The following NRXN3 variants were observed in gnomAD, a reference collection of about 807,000 sequenced individuals.
NRXN3 encodes neurexin 3, also known as neurexin III.
In NRXN3, 32 loss-of-function variants were observed where a neutral mutation model predicts 137.6. The ratio of observed to expected loss-of-function variants is 0.23; its 90% confidence interval spans 0.18 to 0.31. NRXN3 has a LOEUF of 0.31. Ranked by LOEUF, NRXN3 falls within the 10% of genes least tolerant of loss-of-function variation. The pLI, the probability that NRXN3 is intolerant of heterozygous loss-of-function variation, is 1.00. For missense variants in NRXN3, 1,574 were observed against 2,062.5 expected (o/e 0.76, Z 4.59); for synonymous variants, 798 against 784.5 (o/e 1.02, Z -0.29).
chr14:78,707,817 T>C (rs1303652164), intron 6 of NRXN3, among the ~76,000 whole-genome samples: 4 of 152,356 alleles, frequency 2.6e-5, no homozygotes, highest in African/African-American at 9.6e-5. Context: ...CGGTTTTCCA[T>C]TCCTGAGTTA....
At chr14:79,718,668 G>GAAC (rs895311558) in intron 19 of NRXN3, among the ~76,000 whole-genome samples, 29 of 138,232 alleles carry the variant, frequency 2.1e-4, no homozygotes, top group African/African-American at 7.2e-4. Context: ...TCCTGTCTCT[G>GAAC]AACTGCTAAA....
chr14:79,208,272 G>C (rs1359805804), intron 15 of NRXN3, among the ~76,000 whole-genome samples: 1 of 152,152 alleles, frequency 6.6e-6, no homozygotes, highest in Non-Finnish European at 1.5e-5. Context: ...CTTAATCCAG[G>C]ACAGTTCCTG....
chr14:78,367,422 A>G (rs1421609195), intron 4 of NRXN3, among the ~76,000 whole-genome samples: 1 of 152,196 alleles, frequency 6.6e-6, no homozygotes, highest in Non-Finnish European at 1.5e-5. Context: ...CTTTTGAGGA[A>G]TGAAGCAGCC....
At chr14:78,483,429 C>T (rs1438592299) in intron 4 of NRXN3, among the ~76,000 whole-genome samples, 1 of 152,192 alleles carries the variant, frequency 6.6e-6, no homozygotes, top group East Asian at 1.9e-4. Context: ...AAAGGAGAGG[C>T]TAGAGCTTTC....
chr14:79,564,576 G>A (rs1036532585), intron 16 of NRXN3, among the ~76,000 whole-genome samples: 14 of 152,046 alleles, frequency 9.2e-5, no homozygotes, highest in East Asian at 3.9e-4. Flanking sequence ...ATGGTTAAGC[G>A]GCTTGTACTC....
chr14:78,376,931 T>C (rs1427131888), intron 4 of NRXN3, among the ~76,000 whole-genome samples: 12 of 152,186 alleles, frequency 7.9e-5, no homozygotes, highest in African/African-American at 2.7e-4. Flanking sequence ...AAAAGATATA[T>C]ACTTTGTATG....
At chr14:78,393,116 G>A (rs950845841) in intron 4 of NRXN3, among the ~76,000 whole-genome samples, 7 of 151,882 alleles carry the variant, frequency 4.6e-5, no homozygotes, top group African/African-American at 9.7e-5. Context: ...TATTGTAAAC[G>A]GGGGCAAGGG....
At chr14:78,399,127 C>T (rs372075399) in intron 4 of NRXN3, among the ~76,000 whole-genome samples, 2 of 151,990 alleles carry the variant, frequency 1.3e-5, no homozygotes, top group African/African-American at 2.4e-5. Context: ...CTGAGATATG[C>T]GATACAAAAC....
At chr14:78,305,081 T>G (rs1367193800) in intron 4 of NRXN3, among the ~76,000 whole-genome samples, 4 of 152,180 alleles carry the variant, frequency 2.6e-5, no homozygotes, top group African/African-American at 9.6e-5. Context: ...GGAGGTAGTT[T>G]GATTAATTTT....
At chr14:79,238,150 G>T (rs1365504264) in intron 15 of NRXN3, among the ~76,000 whole-genome samples, 1 of 152,000 alleles carries the variant, frequency 6.6e-6, no homozygotes, top group Non-Finnish European at 1.5e-5. Flanking sequence ...ACTTACAAGC[G>T]GGTGTGCTTA....
In NRXN3 at chr14:79,632,982, G is replaced by A. The variant is rs556188493; in HGVS notation, c.3445-30796G>A. Among the ~76,000 whole-genome samples the A allele has an allele frequency of 2.8e-4, 42 of 152,234 alleles. 1 individual carries two copies. The highest frequency in any genetic ancestry group is 9.6e-4 in the African/African-American group (40 of 41,516). On this transcript the variant is annotated intron_variant, in intron 16 of 20. Transcript: ENST00000335750. ...TTAATATATAAAACAATTATATGCA[G>A]CAGATGTTATTACCATGATACTGCA...
At chr14:78,895,044 A>G (rs2099169513) in intron 10 of NRXN3, among the ~76,000 whole-genome samples, 1 of 151,798 alleles carries the variant, frequency 6.6e-6, no homozygotes, top group East Asian at 1.9e-4. Context: ...CTGGGGCCCT[A>G]GGATTTTTTG....
chr14:78,805,235 C>T (rs1307277473), intron 9 of NRXN3, among the ~76,000 whole-genome samples: 1 of 151,552 alleles, frequency 6.6e-6, no homozygotes. Flanking sequence ...CATTTGATTT[C>T]TGTTGTCAGT....
Position 78,860,988 on chromosome 14 carries a change from A to G in NRXN3, c.2275+50644A>G, listed in dbSNP as rs535043326. Among the ~76,000 whole-genome samples, 197 of 152,282 alleles carry G rather than the reference A, an allele frequency of 1.3e-3. 1 individual carries two copies. The highest frequency in any genetic ancestry group is 2.3e-3 in the Non-Finnish European group (155 of 68,026). On this transcript the variant is annotated intron_variant, in intron 10 of 20. Coordinates refer to ENST00000335750, the MANE Select transcript of NRXN3 (RefSeq NM_001330195.2). ...GGGTCGACTGTACCTTGATAATAAC[A>G]TCACTGCCATTACCGTATTCTGAGT... is the stretch of plus-strand genomic sequence containing the variant.
chr14:78,858,015 A>G lies in NRXN3; in HGVS notation c.2275+47671A>G, dbSNP rs77942682. Reference sequence around the variant, plus strand: ...TAGGGCTTCTACAGATAGGAAGTAGAATGCTGTGAAAAGAAGGTACACTTA... The same window carrying G: ...TAGGGCTTCTACAGATAGGAAGTAGGATGCTGTGAAAAGAAGGTACACTTA... On this transcript the variant is annotated intron_variant, in intron 10 of 20. Transcript: ENST00000335750. Among the ~76,000 whole-genome samples, 990 of 152,282 alleles carry G rather than the reference A, an allele frequency of 6.5e-3. 13 individuals are homozygous for G. The highest frequency in any genetic ancestry group is 0.022 in the African/African-American group (928 of 41,542).
chr14:78,878,766 CATT>C (rs1031229093), intron 10 of NRXN3, among the ~76,000 whole-genome samples: 5 of 152,064 alleles, frequency 3.3e-5, no homozygotes, highest in African/African-American at 9.7e-5. Context: ...TAACTGTAGT[CATT>C]ATATTGTACA....
chr14:78,355,566 G>T (rs548898159), intron 4 of NRXN3, among the ~76,000 whole-genome samples: 2 of 152,184 alleles, frequency 1.3e-5, no homozygotes, highest in Admixed American at 6.5e-5. Context: ...TTATAGGCAC[G>T]TACCACTATG....
intron 15 of NRXN3, among the ~76,000 whole-genome samples, chr14:79,117,627 GT>G (rs1184070362): frequency 6.6e-6 from 1 of 152,200 alleles, no homozygotes; most frequent in Non-Finnish European, 1.5e-5. Context: ...AGTGTGATCG[GT>G]AGAAGTCATG....
intron 16 of NRXN3, among the ~76,000 whole-genome samples, chr14:79,621,310 C>G (rs1220012948): frequency 2.0e-5 from 3 of 152,124 alleles, no homozygotes. Flanking sequence ...ATGCAACCCT[C>G]AATTTCAAAG....
Sources: gnomAD v4.1 joint callset for allele counts (sites outside exome capture counted in the v4.1 genomes callset) on GRCh38, gnomAD v4.1.1 for gene constraint, MANE v1.5 for transcripts, NCBI Gene and HGNC (gene_info 2026-07-23, HGNC 2026-07-21) for gene names.